Variants in KAZN observed in about 807,000 individuals in gnomAD.
KAZN encodes the protein kazrin, periplakin interacting protein.
Under a neutral mutation model 87.4 loss-of-function variants are expected in KAZN, and 40 were observed. The observed-to-expected ratio is 0.46, with a 90% CI of 0.36 to 0.60. The LOEUF (loss-of-function observed/expected upper bound fraction) is 0.60. KAZN is among the 20% of genes least tolerant of loss of function. KAZN has a pLI of 0.00. For missense variants in KAZN, 898 were observed against 1,073.9 expected, an observed-to-expected ratio of 0.84 and a Z score of 2.29; for synonymous variants, 466 against 458.3, an observed-to-expected ratio of 1.02 and a Z score of -0.22.
intron 1 of KAZN, among the ~76,000 whole-genome samples, chr1:13,957,179 C>T (rs1159569959): frequency 6.6e-6 from 1 of 152,104 alleles, no homozygotes; most frequent in Non-Finnish European, 1.5e-5. Context: ...TGCTACTTGG[C>T]CAATGACTAG....
At chr1:14,403,557 A>G (rs1263403007) in intron 2 of KAZN, among the ~76,000 whole-genome samples, 1 of 152,224 alleles carries the variant, frequency 6.6e-6, no homozygotes, top group African/African-American at 2.4e-5. Flanking sequence ...AATTTTCAAC[A>G]TCAATAAGAA....
At chr1:14,585,775 G>A (rs765391831) in intron 2 of KAZN, among the ~76,000 whole-genome samples, 9 of 152,298 alleles carry the variant, frequency 5.9e-5, no homozygotes, top group Non-Finnish European at 8.8e-5. Flanking sequence ...AGAGGGTGCC[G>A]AAAGATTCCT....
At chr1:14,929,681 G>T in intron 1 of KAZN, 1 of 801,098 alleles carries the variant, frequency 1.2e-6, no homozygotes, top group Non-Finnish European at 1.5e-6. Flanking sequence ...ACTAAGGGCT[G>T]TAAACACTCC....
chr1:15,045,721 G>A lies in KAZN; in HGVS notation c.726+1562G>A, dbSNP rs550439159. Among the ~76,000 whole-genome samples the A allele has an allele frequency of 4.6e-5, 7 of 152,296 alleles. No homozygotes were observed. In the South Asian group the frequency reaches 8.3e-4, roughly 18 times the overall value. ...GATGCCTCAGAAACTCATAATCATG[G>A]CGGAAGGCAAAGGAGAAACAAGGCA... On this transcript the variant is annotated intron_variant, in intron 4 of 14. Coordinates refer to ENST00000376030, the MANE Select transcript of KAZN (RefSeq NM_201628.3).
rs114278983 is a variant in KAZN at position 14,221,039 on chromosome 1, G to A, written c.249+40447G>A. Among the ~76,000 whole-genome samples the A allele has an allele frequency of 3.5e-3, 538 of 152,248 alleles. 2 individuals are homozygous for A. Among genetic ancestry groups the A allele is most frequent in the Admixed American group, 6.1e-3 (94 of 15,294 alleles). On this transcript the variant is annotated intron_variant, in intron 2 of 16. Coordinates refer to the KAZN transcript ENST00000636203. ...GATGCTGGCTAATCAGGTAGGTTGTGTAGTTCCTGCCCCCAAGGAGTTCAC... is the reference window on the plus strand; with the variant it reads ...GATGCTGGCTAATCAGGTAGGTTGTATAGTTCCTGCCCCCAAGGAGTTCAC...
intron 2 of KAZN, among the ~76,000 whole-genome samples, chr1:14,541,641 A>G (rs1477343259): frequency 6.6e-6 from 1 of 152,232 alleles, no homozygotes. Flanking sequence ...TCGGCATTTC[A>G]GAAGATCTGG....
chr1:14,905,069 G>C (rs1557606048), intron 1 of KAZN, among the ~76,000 whole-genome samples: 1 of 151,602 alleles, frequency 6.6e-6, no homozygotes, highest in Non-Finnish European at 1.5e-5. Context: ...CCTTGTTTTT[G>C]TTTTTTTGAG....
intron 1 of KAZN, among the ~76,000 whole-genome samples, chr1:14,727,529 C>A (rs1643457401): frequency 8.0e-6 from 1 of 124,950 alleles, no homozygotes; most frequent in African/African-American, 3.1e-5. Flanking sequence ...GTCCAGGCTG[C>A]AGTGCAATGG....
intron 1 of KAZN, among the ~76,000 whole-genome samples, chr1:14,177,728 C>A (rs1646111140): frequency 6.6e-6 from 1 of 151,218 alleles, no homozygotes; most frequent in African/African-American, 2.4e-5. Context: ...GAAAAACTTG[C>A]AGGAGAGAAC....
intron 1 of KAZN, among the ~76,000 whole-genome samples, chr1:14,686,482 C>A (rs927563091): frequency 6.6e-6 from 1 of 152,234 alleles, no homozygotes; most frequent in African/African-American, 2.4e-5. Flanking sequence ...GAGAGAATTC[C>A]TTCATGGAAA....
At chr1:14,387,091 C>T (rs1171305642) in intron 2 of KAZN, among the ~76,000 whole-genome samples, 1 of 152,196 alleles carries the variant, frequency 6.6e-6, no homozygotes, top group Non-Finnish European at 1.5e-5. Context: ...ACCCTTTCTT[C>T]CAGTTGATCG....
At chr1:14,921,695 GT>G (rs56171914) in intron 1 of KAZN, among the ~76,000 whole-genome samples, 1 of 152,068 alleles carries the variant, frequency 6.6e-6, no homozygotes, top group African/African-American at 2.4e-5. Context: ...GTTTATAGGG[GT>G]TTTTTTGTTG....
intron 1 of KAZN, among the ~76,000 whole-genome samples, chr1:13,918,300 C>T (rs993024218): frequency 5.3e-5 from 8 of 152,140 alleles, no homozygotes; most frequent in Non-Finnish European, 1.0e-4. Context: ...TTGATTCTAA[C>T]CCTTATGGAT....
chr1:13,997,173 TCAA>T (rs3031976), intron 1 of KAZN, among the ~76,000 whole-genome samples: 46,193 of 151,238 alleles, frequency 0.31, 7,172 homozygotes, highest in Middle Eastern at 0.41. Context: ...AACACCATCA[TCAA>T]CAACAACAAC....
intron 2 of KAZN, among the ~76,000 whole-genome samples, chr1:14,329,769 T>A (rs978076520): frequency 6.6e-6 from 1 of 152,160 alleles, no homozygotes; most frequent in African/African-American, 2.4e-5. Flanking sequence ...AAAGGATCAT[T>A]GGAAGGAAAA....
intron 2 of KAZN, among the ~76,000 whole-genome samples, chr1:14,359,272 C>T (rs182908635): frequency 1.8e-3 from 275 of 149,684 alleles, no homozygotes; most frequent in African/African-American, 6.5e-3. Context: ...TTTTCCTTCT[C>T]CTTTCCATTT....
In KAZN at chr1:14,974,516, A is replaced by C. The variant is rs1018555778; in HGVS notation, c.418+13641A>C. On this transcript the variant is annotated intron_variant, in intron 2 of 14. Coordinates refer to ENST00000376030, the MANE Select transcript of KAZN (RefSeq NM_201628.3). ...AATACACATCCATACAAAGACTTGT[A>C]CATACGTGGTTTTAGCAGCTTATTT... Among the ~76,000 whole-genome samples, 14 of 152,226 alleles carry C rather than the reference A, an allele frequency of 9.2e-5. No individual in the cohort carries two copies. The East Asian group carries it at 2.3e-3, about 25-fold the overall frequency.
chr1:14,866,366 C>T (rs1288772203), intron 1 of KAZN, among the ~76,000 whole-genome samples: 1 of 152,216 alleles, frequency 6.6e-6, no homozygotes, highest in African/African-American at 2.4e-5. Flanking sequence ...CCATAAGCTC[C>T]TGGTCAAGGT....
At chr1:13,899,253 A>C (rs551113469) in intron 1 of KAZN, among the ~76,000 whole-genome samples, 7 of 152,320 alleles carry the variant, frequency 4.6e-5, no homozygotes, top group Middle Eastern at 3.4e-3. Context: ...CATTCTTTAC[A>C]TATTACCTTG....
Sources: gnomAD v4.1 joint callset for allele counts (sites outside exome capture counted in the v4.1 genomes callset) on GRCh38, gnomAD v4.1.1 for gene constraint, MANE v1.5 for transcripts, NCBI Gene and HGNC (gene_info 2026-07-23, HGNC 2026-07-21) for gene names.